The following DACH2 variants were observed in gnomAD, a reference collection of about 807,000 sequenced individuals.
DACH2 encodes the protein dachshund homolog 2.
Under a neutral mutation model 35.8 loss-of-function variants are expected in DACH2, and 17 were observed. The observed-to-expected ratio is 0.48, with a 90% CI of 0.33 to 0.71. DACH2 has a LOEUF of 0.71. DACH2 is among the 30% of genes least tolerant of loss of function. DACH2 has a pLI of 0.02. For missense variants in DACH2, 469 were observed against 472.7 expected, an observed-to-expected ratio of 0.99 and a Z score of 0.07; for synonymous variants, 195 against 177.3, an observed-to-expected ratio of 1.10 and a Z score of -0.79.
chrX:86,293,127 A>G (rs1272471228), intron 1 of DACH2, among the ~76,000 whole-genome samples: 1 of 96,364 alleles, frequency 1.0e-5, no homozygotes. Flanking sequence ...GGGTGCATAT[A>G]TATTTAGGAT....
chrX:86,361,133 A>AT (rs1338250964), intron 1 of DACH2, among the ~76,000 whole-genome samples: 6 of 111,430 alleles, frequency 5.4e-5, no homozygotes, highest in East Asian at 5.7e-4. Context: ...CTTTTATAGC[A>AT]TTTTTTTCAG....
intron 1 of DACH2, among the ~76,000 whole-genome samples, chrX:86,198,269 TAAG>T (rs1364773133): frequency 8.9e-6 from 1 of 112,015 alleles, no homozygotes; most frequent in Admixed American, 9.5e-5. Context: ...TAGGCAGTGT[TAAG>T]AAGGACATTT....
At chrX:86,238,078 G>A (rs1031567207) in intron 1 of DACH2, among the ~76,000 whole-genome samples, 6 of 112,116 alleles carry the variant, frequency 5.4e-5, no homozygotes, top group South Asian at 3.7e-4. Flanking sequence ...GTCCCATGCC[G>A]AGTTATATTT....
At chrX:86,685,104 C>T (rs2040926275) in intron 4 of DACH2, among the ~76,000 whole-genome samples, 1 of 111,708 alleles carries the variant, frequency 9.0e-6, no homozygotes, top group Non-Finnish European at 1.9e-5. Context: ...GAAGTATCAG[C>T]TCTGCTATTT....
At chrX:86,202,619 T>C (rs191056222) in intron 1 of DACH2, among the ~76,000 whole-genome samples, 7,557 of 110,865 alleles carry the variant, frequency 0.068, 626 homozygotes, top group African/African-American at 0.23. Flanking sequence ...TACGCTTAAG[T>C]TTTTAGAAGC....
chrX:86,546,036 GA>G (rs1289038803), intron 3 of DACH2, among the ~76,000 whole-genome samples: 1 of 91,408 alleles, frequency 1.1e-5, no homozygotes, highest in Non-Finnish European at 2.0e-5. Context: ...CACAGAATAT[GA>G]AATAAAACAT....
intron 3 of DACH2, among the ~76,000 whole-genome samples, chrX:86,580,593 A>C (rs970297212): frequency 1.8e-5 from 2 of 112,010 alleles, no homozygotes; most frequent in Non-Finnish European, 3.8e-5. Flanking sequence ...TCATAATACA[A>C]TCACAAGTAA....
chrX:86,572,885 C>T lies in DACH2; in HGVS notation c.640+58494C>T, dbSNP rs1470683151. On this transcript the variant is annotated intron_variant, in intron 3 of 11. Coordinates refer to ENST00000373125, the MANE Select transcript of DACH2 (RefSeq NM_053281.3). The stretch of plus-strand genomic sequence containing the variant: ...TAGTGATTTCACATGATGCTCCCTC[C>T]TCCCACCCACCACTCTGTGCCCCAT... Among the ~76,000 whole-genome samples, 7 of 111,496 alleles carry T rather than the reference C, an allele frequency of 6.3e-5. No homozygotes were observed. The Admixed American group carries it at 6.7e-4, about 11-fold the overall frequency.
intron 1 of DACH2, among the ~76,000 whole-genome samples, chrX:86,179,468 C>T (rs1039561251): frequency 9.0e-6 from 1 of 111,681 alleles, no homozygotes; most frequent in African/African-American, 3.2e-5. Context: ...AAAATGGGAG[C>T]TAACAATGAA....
chrX:86,272,620 T>A (rs1020506972), intron 1 of DACH2, among the ~76,000 whole-genome samples: 6 of 111,576 alleles, frequency 5.4e-5, no homozygotes, highest in Non-Finnish European at 9.4e-5. Context: ...AAAGTAAAAA[T>A]TTCAAAACTA....
intron 3 of DACH2, among the ~76,000 whole-genome samples, chrX:86,598,360 C>T (rs1232212559): frequency 1.8e-5 from 2 of 111,836 alleles, no homozygotes; most frequent in Non-Finnish European, 3.8e-5. Context: ...GTTTTAGCAT[C>T]GTTCTCTTTG....
At chrX:86,534,841 T>A (rs948202355) in intron 3 of DACH2, among the ~76,000 whole-genome samples, 3 of 111,866 alleles carry the variant, frequency 2.7e-5, no homozygotes, top group East Asian at 2.8e-4. Flanking sequence ...TTATGCCTTT[T>A]AAGTGGACTT....
intron 3 of DACH2, among the ~76,000 whole-genome samples, chrX:86,562,759 A>G (rs1309265962): frequency 9.0e-6 from 1 of 111,505 alleles, no homozygotes; most frequent in Non-Finnish European, 1.9e-5. Flanking sequence ...ACAAAAAGGC[A>G]CATGATCTTC....
At chrX:86,370,154 T>G (rs1427568466) in intron 1 of DACH2, among the ~76,000 whole-genome samples, 2 of 111,008 alleles carry the variant, frequency 1.8e-5, no homozygotes, top group Admixed American at 9.7e-5. Flanking sequence ...CTAAAACAAG[T>G]AAATAGGTAA....
chrX:86,155,060 A>G (rs776511383), intron 1 of DACH2, among the ~76,000 whole-genome samples: 1 of 111,200 alleles, frequency 9.0e-6, no homozygotes, highest in Admixed American at 9.6e-5. Context: ...TTAATATTTA[A>G]TCATAGGAGG....
intron 6 of DACH2, among the ~76,000 whole-genome samples, chrX:86,717,429 T>C (rs2041350080): frequency 9.0e-6 from 1 of 111,159 alleles, no homozygotes; most frequent in African/African-American, 3.3e-5. Flanking sequence ...TATGGCTAAA[T>C]AGTATTCCAT....
At chrX:86,689,373 C>G (rs1215468287) in intron 4 of DACH2, among the ~76,000 whole-genome samples, 7 of 111,400 alleles carry the variant, frequency 6.3e-5, no homozygotes, top group African/African-American at 2.3e-4. Context: ...TTACAATACA[C>G]TAAACCCTGA....
chrX:86,314,109 T>C (rs893050827), intron 1 of DACH2, among the ~76,000 whole-genome samples: 5 of 109,865 alleles, frequency 4.6e-5, no homozygotes, highest in African/African-American at 1.7e-4. Context: ...TCTCCTTGGG[T>C]CTCCCTATTC....
chrX:86,592,556 A>G (rs1043791958), intron 3 of DACH2, among the ~76,000 whole-genome samples: 1 of 112,018 alleles, frequency 8.9e-6, no homozygotes, highest in Non-Finnish European at 1.9e-5. Context: ...CAATTTCACA[A>G]ACTAATTTTC....
Sources: allele counts gnomAD v4.1 joint callset (sites outside exome capture counted in the v4.1 genomes callset), GRCh38; gene constraint gnomAD v4.1.1; transcripts MANE v1.5; gene names NCBI Gene and HGNC (gene_info 2026-07-23, HGNC 2026-07-21).